The following SEMA4B variants were observed in gnomAD, a reference collection of about 807,000 sequenced individuals.
SEMA4B encodes semaphorin-4B.
A neutral mutation model predicts 88.1 loss-of-function variants in SEMA4B; 55 were observed. That is an observed-to-expected ratio of 0.62 (90% CI 0.50 to 0.78). The LOEUF is 0.78. Ranked by LOEUF, SEMA4B falls within the 30% of genes least tolerant of loss-of-function variation. SEMA4B has a pLI of 0.00. For synonymous variants in SEMA4B, 525 were observed against 473.6 expected, an observed-to-expected ratio of 1.11 and a Z score of -1.41; for missense variants, 1,062 against 1,111.9, an observed-to-expected ratio of 0.96 and a Z score of 0.64.
intron 1 of SEMA4B, among the ~76,000 whole-genome samples, chr15:90,213,747 A>C (rs1484007623): frequency 6.6e-6 from 1 of 152,254 alleles, no homozygotes; most frequent in Non-Finnish European, 1.5e-5. Flanking sequence ...AAGCACGGGC[A>C]ACCAGCTTAT....
chr15:90,222,567 C>CA (rs57313158), intron 7 of SEMA4B, among the ~76,000 whole-genome samples: 94 of 143,338 alleles, frequency 6.6e-4, no homozygotes, highest in Middle Eastern at 3.5e-3. Context: ...AAGACTGTCT[C>CA]AAAAAAAAAA....
Position 90,225,129 on chromosome 15 carries a change from C to T in SEMA4B, c.1356C>T (p.His452=). The T allele has an allele frequency of 6.2e-7, 1 of 1,613,334 alleles. No homozygotes were observed. The highest frequency in any genetic ancestry group is 8.5e-7 in the Non-Finnish European group (1 of 1,179,716). The change falls in exon 10 of 14, where the codon CAC becomes CAT. Residue 452 remains histidine, a synonymous_variant. Transcript: ENST00000411539. ...PQARYQRVAV[H]RVPGLHHTYD... ...CTCGCTACCAGCGCGTGGCTGTACA[C>T]CGCGTCCCTGGCCTGCACCACACCT... is the stretch of plus-strand genomic sequence containing the variant.
intron 11 of SEMA4B, 118 bp from the exon 12 acceptor site, chr15:90,225,543 C>T (rs1244298674): frequency 6.2e-6 from 8 of 1,297,008 alleles, no homozygotes; most frequent in African/African-American, 5.9e-5. Context: ...AAAGTGGGGT[C>T]GCCTGTTACG....
chr15:90,196,129 CG>C lies in SEMA4B; in HGVS notation c.-121-5328del, dbSNP rs571054218. 3.6e-3 allele frequency among the ~76,000 whole-genome samples: 536 copies of C among 148,448 alleles called. 1 individual carries two copies. Among genetic ancestry groups the C allele is most frequent in the Non-Finnish European group, 6.1e-3 (412 of 67,316 alleles). ...ATTTTTAGTAGAGACGGGGTTTCAC[CG>C]TGTTAGCCAGGATGGTCTCGATCTC... On this transcript the variant is annotated intron_variant, in intron 1 of 14. Transcript: ENST00000332496.
intron 1 of SEMA4B, among the ~76,000 whole-genome samples, chr15:90,214,237 G>A (rs1382847788): frequency 1.3e-5 from 2 of 151,666 alleles, no homozygotes; most frequent in Non-Finnish European, 2.9e-5. Context: ...CCAGCTTCTT[G>A]GGAGGCTGAG....
chr15:90,204,631 C>T (rs928341003), intron 1 of SEMA4B, among the ~76,000 whole-genome samples: 17 of 152,274 alleles, frequency 1.1e-4, no homozygotes, highest in Middle Eastern at 3.4e-3. Context: ...ACCAAAGCCT[C>T]GGTCAGGAGC....
chr15:90,212,485 G>A lies in SEMA4B; in HGVS notation c.158-4954G>A, dbSNP rs188932725. Reference sequence around the variant, plus strand: ...GCACAGGCAGCCCAGGAGAGCGAGCGAGACACTCTTTGACACAAGGGAGAG... The same window carrying A: ...GCACAGGCAGCCCAGGAGAGCGAGCAAGACACTCTTTGACACAAGGGAGAG... On this transcript the variant is annotated intron_variant, in intron 1 of 13. Transcript: ENST00000411539. The surrounding 1 kb of genome is among the most constrained non-coding windows in gnomAD (Gnocchi z 4.0). 2.6e-5 allele frequency among the ~76,000 whole-genome samples: 4 copies of A among 152,256 alleles called. No individual in the cohort carries two copies. The highest frequency in any genetic ancestry group is 1.3e-4 in the Admixed American group (2 of 15,306).
rs1359695611 is a variant in SEMA4B at position 90,227,979 on chromosome 15, T to C, written c.1850T>C (p.Leu617Pro). ...NTLACPLLSN[L>P]ATRLWLRNGA... ...TTGGCCTGCCCGCTCCTCTCCAACC[T>C]GGCGACCCGACTCTGGCTACGCAAC... The change falls in exon 14 of 14, where the codon CTG becomes CCG. Residue 617 changes from leucine to proline, a missense_variant. Coordinates refer to ENST00000411539, the MANE Select transcript of SEMA4B (RefSeq NM_198925.4). The C allele has an allele frequency of 2.5e-6, 4 of 1,613,794 alleles. No homozygotes were observed. Among genetic ancestry groups the C allele is most frequent in the Non-Finnish European group, 3.4e-6 (4 of 1,179,868 alleles).
In SEMA4B at chr15:90,188,209, T is replaced by C. The variant is rs199759407; in HGVS notation, c.-122+3128T>C. Among the ~76,000 whole-genome samples the C allele has an allele frequency of 2.6e-5, 4 of 151,174 alleles. No individual in the cohort carries two copies. The East Asian group carries it at 7.8e-4, about 30-fold the overall frequency. On this transcript the variant is annotated intron_variant, in intron 1 of 14. Transcript: ENST00000332496. ...TGGCCCATGCCTGTAGTGTCAGCTA[T>C]CCAGGGCGCTGAGGTAGAAGGATCA...
chr15:90,225,027 C>A lies in SEMA4B; in HGVS notation c.1254C>A (p.Arg418=). ...ACTCATCCCTGCAGCTCCCAGACCG[C>A]GTGCTGAACTTCCTCAAGGACCACT... ...KINSSLQLPD[R]VLNFLKDHFL... is the part of the protein sequence containing the mutation. The change falls in exon 10 of 14, where the codon CGC becomes CGA. Residue 418 remains arginine, a synonymous_variant. Coordinates refer to ENST00000411539, the MANE Select transcript of SEMA4B (RefSeq NM_198925.4). The A allele has an allele frequency of 1.2e-6, 2 of 1,613,944 alleles. No homozygotes were observed. Among genetic ancestry groups the A allele is most frequent in the African/African-American group, 1.3e-5 (1 of 75,050 alleles).
At position 90,219,834 on chromosome 15, in the gene SEMA4B, C is replaced by T. The variant is rs201393019; in HGVS notation, c.426C>T (p.Ser142=). 2,673 of 1,613,550 alleles carry T rather than the reference C, an allele frequency of 1.7e-3. 8 individuals carry two copies. The highest frequency in any genetic ancestry group is 2.0e-3 in the Middle Eastern group (12 of 6,058). ...QNYIKILLPL[S]GSHLFTCGTA... is the part of the protein sequence containing the mutation. ...ACATCAAGATCCTCCTGCCGCTCAG[C>T]GGCAGTCACCTGTTCACCTGTGGCA... Residue 142 remains serine (S), a synonymous_variant, in exon 4 of 14, where the codon AGC becomes AGT. Transcript: ENST00000411539.
rs932192440 is a variant in SEMA4B, at chr15:90,201,436, T to C, written c.-143T>C. On this transcript the variant is annotated 5_prime_UTR_variant, in exon 1 of 14. Transcript: ENST00000411539. ...GTTTGCCAGGGCCCACTTGACCCTG[T>C]TTCCCACCTCCCGCCCCCCAGGTCC... 7 of 1,297,680 alleles carry C rather than the reference T, an allele frequency of 5.4e-6. No homozygotes were observed. The highest frequency in any genetic ancestry group is 6.8e-6 in the Non-Finnish European group (7 of 1,025,910). 80.4% of individuals were successfully genotyped at this position (1,297,680 alleles called of 1,614,324 possible).
chr15:90,200,654 C>T (rs71405688), upstream of SEMA4B, among the ~76,000 whole-genome samples: 17,954 of 152,188 alleles, frequency 0.12, 1,211 homozygotes, highest in Admixed American at 0.19. Flanking sequence ...TTCCCTTCCC[C>T]TGCCGGGTCA....
chr15:90,216,808 C>T (rs920314265), intron 1 of SEMA4B, among the ~76,000 whole-genome samples: 1 of 152,120 alleles, frequency 6.6e-6, no homozygotes, highest in Non-Finnish European at 1.5e-5. Flanking sequence ...CATGCCACTG[C>T]ACTCCAGCCT....
intron 1 of SEMA4B, among the ~76,000 whole-genome samples, chr15:90,203,926 C>T (rs533659393): frequency 2.6e-5 from 4 of 152,218 alleles, no homozygotes; most frequent in Non-Finnish European, 5.9e-5. Flanking sequence ...CTATAGTCGA[C>T]TGAGTTGCCA....
upstream of SEMA4B, among the ~76,000 whole-genome samples, chr15:90,198,036 C>T (rs1016385377): frequency 5.3e-5 from 8 of 151,534 alleles, no homozygotes; most frequent in East Asian, 1.6e-3. Flanking sequence ...GCGCCATTCT[C>T]CTGCCTCAGC....
At chr15:90,219,644 C>T in intron 3 of SEMA4B, 149 bp from the exon 4 acceptor site, 1 of 615,738 alleles carries the variant, frequency 1.6e-6, no homozygotes, top group Non-Finnish European at 2.9e-6. Flanking sequence ...CCCCAGAAAA[C>T]CCGTGGGTTC....
rs974801584 is a variant in SEMA4B at position 90,185,095 on chromosome 15, G to A, written c.-122+14G>A. On this transcript the variant is annotated intron_variant, in intron 1 of 14. Coordinates refer to the SEMA4B transcript ENST00000332496. The stretch of plus-strand genomic sequence containing the variant: ...GACTCACTCCAGGTAGGCGCGGGGG[G>A]TGCCTGGCGAGGTGGGAGCCGCTGC... The A allele has an allele frequency of 1.2e-5, 12 of 982,232 alleles. No individual in the cohort carries two copies. The African/African-American group carries it at 1.9e-4, about 16-fold the overall frequency. 60.8% of individuals were successfully genotyped at this position (982,232 alleles called of 1,614,324 possible). A position where few individuals can be genotyped will look rare whatever the true frequency, so the allele number is the denominator to read the frequency against.
chr15:90,217,296 AT>A, intron 1 of SEMA4B, 142 bp from the exon 2 acceptor site: 1 of 708,372 alleles, frequency 1.4e-6, no homozygotes, highest in South Asian at 2.0e-5. Context: ...ATCAAACCTG[AT>A]CCCCCTGCCC....
Sources: allele counts gnomAD v4.1 joint callset (sites outside exome capture counted in the v4.1 genomes callset), GRCh38; gene constraint gnomAD v4.1.1; non-coding constraint Gnocchi (gnomAD v3.1); transcripts MANE v1.5; gene names NCBI Gene and HGNC (gene_info 2026-07-23, HGNC 2026-07-21).